Variants in LHFPL7 observed in about 807,000 individuals in gnomAD.
The protein encoded by LHFPL7 is LHFPL tetraspan subfamily member 7 protein.
At chr22:24,935,315 G>A in the LHFPL7 span, 1 of 1,605,994 alleles carries the variant, frequency 6.2e-7, no homozygotes, top group Admixed American at 1.7e-5. Context: ...TGCCCTTTGT[G>A]CTACTCCCAG....
the LHFPL7 span, chr22:24,939,540 C>T: frequency 4.3e-6 from 3 of 702,812 alleles, no homozygotes; most frequent in East Asian, 5.4e-5. Context: ...CAACATTAGG[C>T]AGTATCGCTG....
the LHFPL7 span, among the ~76,000 whole-genome samples, chr22:24,940,675 C>CCTTCCTTCCTTCCT: frequency 3.3e-4 from 6 of 17,944 alleles, no homozygotes; most frequent in Non-Finnish European, 4.7e-4. Flanking sequence ...CCTTCCTTCC[C>CCTTCCTTCCTTCCT]TCCTTCCTTC....
At chr22:24,940,805 G>GA in the LHFPL7 span, among the ~76,000 whole-genome samples, 1 of 140,498 alleles carries the variant, frequency 7.1e-6, no homozygotes, top group Non-Finnish European at 1.5e-5. Context: ...TTCTTTCAGA[G>GA]AAAAAAGGTT....
At chr22:24,937,828 T>G in the LHFPL7 span, among the ~76,000 whole-genome samples, 1 of 152,224 alleles carries the variant, frequency 6.6e-6, no homozygotes, top group Non-Finnish European at 1.5e-5. Flanking sequence ...GCTTGCACAG[T>G]GCACAACATC....
chr22:24,935,300 G>T, the LHFPL7 span: 1 of 1,594,314 alleles, frequency 6.3e-7, no homozygotes, highest in Non-Finnish European at 8.5e-7. Context: ...TAAAACTCTG[G>T]AGTGTGCCCT....
At chr22:24,946,166 T>C in the LHFPL7 span, among the ~76,000 whole-genome samples, 2 of 151,936 alleles carry the variant, frequency 1.3e-5, no homozygotes, top group African/African-American at 2.4e-5. Context: ...AAAACTTAGC[T>C]GGGCATGGTG....
chr22:24,938,278 C>G, the LHFPL7 span: 2 of 1,613,904 alleles, frequency 1.2e-6, no homozygotes, highest in Non-Finnish European at 1.7e-6. Flanking sequence ...AGGAGCATCA[C>G]AGCTGAGACC....
At chr22:24,938,108 A>G in the LHFPL7 span, 1 of 1,475,966 alleles carries the variant, frequency 6.8e-7, no homozygotes, top group Non-Finnish European at 9.2e-7. Flanking sequence ...TTCCATAAAT[A>G]TGTCTAGAGC....
At chr22:24,935,448 A>G in the LHFPL7 span, 1 of 1,614,000 alleles carries the variant, frequency 6.2e-7, no homozygotes, top group South Asian at 1.1e-5. Context: ...GAGGCTGGCC[A>G]GGACTGCATT....
the LHFPL7 span, chr22:24,939,641 G>T: frequency 1.2e-5 from 8 of 680,474 alleles, no homozygotes; most frequent in Non-Finnish European, 1.9e-5. Flanking sequence ...CCAGGGATCT[G>T]GTGTTATGAT....
chr22:24,935,353 C>A, the LHFPL7 span: 3 of 1,613,172 alleles, frequency 1.9e-6, no homozygotes, highest in Non-Finnish European at 2.5e-6. Context: ...ATTTCTGGCA[C>A]AAAGATGATT....
At chr22:24,942,701 A>C in the LHFPL7 span, among the ~76,000 whole-genome samples, 3 of 152,174 alleles carry the variant, frequency 2.0e-5, no homozygotes, top group Non-Finnish European at 4.4e-5. Context: ...CCATCTGTAC[A>C]AGAAGATTAT....
At chr22:24,939,737 T>C in the LHFPL7 span, among the ~76,000 whole-genome samples, 3 of 152,050 alleles carry the variant, frequency 2.0e-5, no homozygotes, top group African/African-American at 7.2e-5. Flanking sequence ...GGGGTTACTT[T>C]GCCCTAGCAA....
chr22:24,936,109 A>G, the LHFPL7 span, among the ~76,000 whole-genome samples: 3 of 151,582 alleles, frequency 2.0e-5, no homozygotes, highest in African/African-American at 4.9e-5. Context: ...TTATCCACCT[A>G]CTCACTCACT....
the LHFPL7 span, among the ~76,000 whole-genome samples, chr22:24,940,733 GCTTC>G: frequency 1.3e-4 from 4 of 30,788 alleles, no homozygotes; most frequent in Non-Finnish European, 2.0e-4. Context: ...TTCCTTCCTT[GCTTC>G]CTTCCTTCCT....
the LHFPL7 span, among the ~76,000 whole-genome samples, chr22:24,943,118 C>G: frequency 1.3e-5 from 2 of 151,956 alleles, no homozygotes; most frequent in African/African-American, 4.8e-5. Context: ...GGTGTTTTCC[C>G]TACACCAAAA....
the LHFPL7 span, among the ~76,000 whole-genome samples, chr22:24,937,062 GT>G: frequency 1.4e-3 from 210 of 152,334 alleles, no homozygotes; most frequent in African/African-American, 4.9e-3. Context: ...AGACAGACAT[GT>G]CCTTCTCCTC....
chr22:24,938,471 A>G, the LHFPL7 span, among the ~76,000 whole-genome samples: 1 of 152,242 alleles, frequency 6.6e-6, no homozygotes, highest in Non-Finnish European at 1.5e-5. Flanking sequence ...GGTTTGTGCT[A>G]TTATGATCTC....
chr22:24,945,415 G>C, the LHFPL7 span, among the ~76,000 whole-genome samples: 4 of 152,182 alleles, frequency 2.6e-5, no homozygotes, highest in Non-Finnish European at 4.4e-5. Context: ...GGTTAGGGGA[G>C]GAGGACAAAG....
Sources: gnomAD v4.1 joint callset for allele counts (sites outside exome capture counted in the v4.1 genomes callset) on GRCh38, gnomAD v4.1.1 for gene constraint, MANE v1.5 for transcripts, NCBI Gene and HGNC (gene_info 2026-07-23, HGNC 2026-07-21) for gene names.